Variants in COL22A1 observed in about 807,000 individuals in gnomAD.
COL22A1 encodes the protein collagen alpha-1(XXII) chain.
A neutral mutation model predicts 248.9 loss-of-function variants in COL22A1; 221 were observed. The ratio of observed to expected loss-of-function variants is 0.89; its 90% CI spans 0.80 to 0.99. The LOEUF (loss-of-function observed/expected upper bound fraction) is 0.99, where lower values mean the gene tolerates loss of function less well. COL22A1 is among the 50% of genes least tolerant of loss of function. The pLI is 0.00. For missense variants in COL22A1, 2,240 were observed against 2,179.0 expected (o/e 1.03, Z -0.56); for synonymous variants, 891 against 793.4 (o/e 1.12, Z -2.07).
intron 3 of COL22A1, among the ~76,000 whole-genome samples, chr8:138,863,843 CAGG>C: frequency 6.6e-6 from 1 of 152,304 alleles, no homozygotes; most frequent in South Asian, 2.1e-4. Flanking sequence ...TGTGTCTATG[CAGG>C]AGATTTTTGC....
Position 138,739,661 on chromosome 8 carries a change from A to G in COL22A1, c.2086-2084T>C, listed in dbSNP as rs150598755. Among the ~76,000 whole-genome samples the G allele has an allele frequency of 2.1e-3, 315 of 152,318 alleles. 1 individual carries two copies. Among genetic ancestry groups the G allele is most frequent in the African/African-American group, 7.3e-3 (303 of 41,584 alleles). On this transcript the variant is annotated intron_variant, in intron 22 of 64. Transcript: ENST00000303045. ...GTGCCTGCCACACAGTGGACATTCA[A>G]TAGACATTTGTGGGCTGAATAAATC...
chr8:138,694,778 G>A (rs1827362795), intron 33 of COL22A1, 48 bp downstream of exon 33: 3 of 1,602,166 alleles, frequency 1.9e-6, no homozygotes, highest in Non-Finnish European at 2.6e-6. Flanking sequence ...TGGAGTCCGG[G>A]TCTCCAGGTA....
chr8:138,888,464 A>T (rs1306302580), intron 1 of COL22A1, among the ~76,000 whole-genome samples: 1 of 152,214 alleles, frequency 6.6e-6, no homozygotes, highest in Non-Finnish European at 1.5e-5. Context: ...AGAGTGGGCC[A>T]GAGTGTGGTA....
chr8:138,883,519 A>G (rs984270795), intron 1 of COL22A1, among the ~76,000 whole-genome samples: 3 of 152,156 alleles, frequency 2.0e-5, no homozygotes, highest in Admixed American at 2.0e-4. Flanking sequence ...AGGACTCCAC[A>G]CCACATCCCG....
At chr8:138,730,412 G>A (rs776799396) in intron 23 of COL22A1, among the ~76,000 whole-genome samples, 6 of 152,060 alleles carry the variant, frequency 3.9e-5, no homozygotes, top group Non-Finnish European at 5.9e-5. Flanking sequence ...ACTACGTACC[G>A]CTGTGTTCTC....
chr8:138,645,462 T>G (rs892726312), intron 47 of COL22A1, among the ~76,000 whole-genome samples: 4 of 152,224 alleles, frequency 2.6e-5, no homozygotes, highest in African/African-American at 9.6e-5. Context: ...TACTCGATGT[T>G]GCATCTCCTT....
At chr8:138,619,395 T>G in intron 53 of COL22A1, 60 bp downstream of exon 53, 4 of 1,507,520 alleles carry the variant, frequency 2.7e-6, no homozygotes, top group Non-Finnish European at 3.7e-6. Flanking sequence ...CTCACAGTGG[T>G]GAGAGCCATG....
intron 13 of COL22A1, among the ~76,000 whole-genome samples, chr8:138,780,651 C>A (rs534891484): frequency 1.3e-5 from 2 of 152,128 alleles, no homozygotes; most frequent in African/African-American, 2.4e-5. Context: ...AGTCTAGGCA[C>A]GGGGGATAAC....
At chr8:138,719,693 C>T (rs1257925007) in intron 27 of COL22A1, among the ~76,000 whole-genome samples, 3 of 152,200 alleles carry the variant, frequency 2.0e-5, no homozygotes, top group African/African-American at 4.8e-5. Flanking sequence ...TGCCCTCCCA[C>T]GGGGTCAGCT....
intron 49 of COL22A1, among the ~76,000 whole-genome samples, chr8:138,632,077 A>G (rs1820772214): frequency 6.6e-6 from 1 of 152,204 alleles, no homozygotes; most frequent in Admixed American, 6.5e-5. Context: ...TGGTTGAGTC[A>G]TGTAACATCT....
chr8:138,807,657 G>T (rs923555354), intron 10 of COL22A1, 111 bp downstream of exon 10: 4 of 1,026,904 alleles, frequency 3.9e-6, no homozygotes, highest in African/African-American at 3.3e-5. Flanking sequence ...AAGCTCTGAG[G>T]CAAAATATTA....
chr8:138,709,531 G>C (rs972187882), intron 30 of COL22A1, among the ~76,000 whole-genome samples: 4 of 150,690 alleles, frequency 2.7e-5, no homozygotes, highest in African/African-American at 9.8e-5. Context: ...GCAAACTATC[G>C]CAAGGACAGA....
At chr8:138,635,463 T>C (rs1316462265) in intron 48 of COL22A1, among the ~76,000 whole-genome samples, 1 of 152,018 alleles carries the variant, frequency 6.6e-6, no homozygotes, top group African/African-American at 2.4e-5. Context: ...AAAAAACAAA[T>C]AAATGCACAG....
chr8:138,902,426 G>A (rs566522973), intron 1 of COL22A1, among the ~76,000 whole-genome samples: 5 of 152,278 alleles, frequency 3.3e-5, no homozygotes, highest in South Asian at 2.1e-4. Flanking sequence ...GCTGGGCCGC[G>A]ATGGCTCATG....
chr8:138,613,998 C>T, intron 55 of COL22A1, 78 bp from the exon 56 acceptor site: 3 of 1,130,792 alleles, frequency 2.7e-6, no homozygotes, highest in East Asian at 2.4e-5. Flanking sequence ...CAAATGTTAA[C>T]CAAACCTCGC....
At chr8:138,617,048 C>T (rs772089074) in intron 53 of COL22A1, 90 bp from the exon 54 acceptor site, 255 of 1,344,182 alleles carry the variant, frequency 1.9e-4, no homozygotes, top group Non-Finnish European at 2.4e-4. Flanking sequence ...CTTTGACCCA[C>T]GTTGCCCCCG....
chr8:138,626,785 T>A (rs1458772660), intron 50 of COL22A1, among the ~76,000 whole-genome samples: 1 of 152,242 alleles, frequency 6.6e-6, no homozygotes, highest in Admixed American at 6.5e-5. Flanking sequence ...TCTCTTTCCT[T>A]GTATTTGAAA....
At chr8:138,850,515 C>T (rs1274422762) in intron 3 of COL22A1, among the ~76,000 whole-genome samples, 2 of 152,132 alleles carry the variant, frequency 1.3e-5, no homozygotes, top group Non-Finnish European at 2.9e-5. Flanking sequence ...GGTGGGGCTC[C>T]GGCACAGCTG....
At chr8:138,845,865 A>T (rs1586877817) in intron 3 of COL22A1, among the ~76,000 whole-genome samples, 1 of 152,198 alleles carries the variant, frequency 6.6e-6, no homozygotes, top group Non-Finnish European at 1.5e-5. Context: ...CTGAAGACCC[A>T]GCCCTGCCCA....
Sources: gnomAD v4.1 joint callset for allele counts (sites outside exome capture counted in the v4.1 genomes callset) on GRCh38, gnomAD v4.1.1 for gene constraint, MANE v1.5 for transcripts, NCBI Gene and HGNC (gene_info 2026-07-23, HGNC 2026-07-21) for gene names.